Variants in SYNPO2L observed in about 807,000 individuals in gnomAD.
SYNPO2L encodes the protein synaptopodin 2 like, also known as synaptopodin 2-like protein.
Under a neutral mutation model 47.5 loss-of-function variants are expected in SYNPO2L, and 34 were observed. That is an observed-to-expected ratio of 0.72 (90% CI 0.54 to 0.95). The LOEUF (loss-of-function observed/expected upper bound fraction) is 0.95, where lower values mean the gene tolerates loss of function less well. SYNPO2L is among the 40% of genes least tolerant of loss of function. The pLI is 0.00. For missense variants in SYNPO2L, 1,246 were observed against 1,282.0 expected, an observed-to-expected ratio of 0.97 and a Z score of 0.43; for synonymous variants, 536 against 524.9, an observed-to-expected ratio of 1.02 and a Z score of -0.29.
At chr10:73,654,438 A>G (rs748937947) in intron 1 of SYNPO2L, 158 bp from the exon 2 acceptor site, 26 of 796,740 alleles carry the variant, frequency 3.3e-5, no homozygotes, top group Non-Finnish European at 4.7e-5. Flanking sequence ...TGGCCTGTCT[A>G]GAGGGAAGAA....
chr10:73,650,908 C>T, intron 3 of SYNPO2L: 1 of 1,611,248 alleles, frequency 6.2e-7, no homozygotes. Flanking sequence ...AGGGTAGTAC[C>T]TGCATAGAAC....
chr10:73,650,121 C>T, intron 3 of SYNPO2L: 3 of 985,416 alleles, frequency 3.0e-6, no homozygotes, highest in Non-Finnish European at 3.6e-6. Context: ...GAGGACCCCG[C>T]CTTGCACATG....
intron 1 of SYNPO2L, 121 bp downstream of exon 1, chr10:73,655,691 CCCACCA>C: frequency 5.3e-6 from 1 of 187,748 alleles, no homozygotes; most frequent in South Asian, 5.1e-5. Flanking sequence ...TACTTCCCTG[CCCACCA>C]CCCACCCCAT....
In SYNPO2L at chr10:73,646,531, G is replaced by A; in HGVS notation, c.*187C>T. On this transcript the variant is annotated 3_prime_UTR_variant, in exon 4 of 4. Coordinates refer to ENST00000394810, the MANE Select transcript of SYNPO2L (RefSeq NM_001114133.3). ...CAAAGATACCAAAGCAGACATACTTGGTTGGAAAGCGGCAGGGAGGTAGAG... is the reference window on the plus strand; with the variant it reads ...CAAAGATACCAAAGCAGACATACTTAGTTGGAAAGCGGCAGGGAGGTAGAG... 8.0e-7 allele frequency: 1 copy of A among 1,251,684 alleles called. No homozygotes were observed. Among genetic ancestry groups the A allele is most frequent in the Non-Finnish European group, 1.0e-6 (1 of 998,628 alleles). The allele number at this position is 1,251,684 out of a possible 1,614,324, so 77.5% of individuals were successfully genotyped here. A position where few individuals can be genotyped will look rare whatever the true frequency, so the allele number is the denominator to read the frequency against.
In SYNPO2L at chr10:73,653,371, G is replaced by T. The variant is rs1420041296; in HGVS notation, c.540C>A (p.Ser180Arg). Residue 180 changes from serine to arginine, a missense_variant, in exon 3 of 4, where the codon AGC (serine) becomes AGA (arginine). By Grantham distance (110) the Ser-to-Arg change is moderately radical. Around this residue, in one of 3 missense-constraint regions of SYNPO2L, gnomAD observed 148 missense variants for 204.8 expected, o/e 0.72. Coordinates refer to ENST00000394810, the MANE Select transcript of SYNPO2L (RefSeq NM_001114133.3). ...GGATAGTAGGTGCTGGCTCTGCAGG[G>T]CTGTCAGACAGGTAGACCTCATCAG... The part of the protein sequence containing the change: ...APPDEVYLSD[S>R]PAEPAPTIPG... 1.9e-6 allele frequency: 3 copies of T among 1,551,570 alleles called. No homozygotes were observed. Among genetic ancestry groups the T allele is most frequent in the Non-Finnish European group, 2.6e-6 (3 of 1,146,984 alleles).
At position 73,646,911 on chromosome 10, in the gene SYNPO2L, G is replaced by A; in HGVS notation, c.2741C>T (p.Thr914Ile). Residue 914 changes from threonine to isoleucine, a missense_variant, in exon 4 of 4, where the codon ACA becomes ATA. By Grantham distance (89) the Thr-to-Ile change is moderately conservative. Transcript: ENST00000394810. ...PTVLAPRAAT[T>I]LDEPIWRTEL... ...TGTTCTCCAGATGGGCTCATCCAGT[G>A]TAGTGGCTGCTCGGGGGGCAAGCAC... 2 of 1,584,076 alleles carry A rather than the reference G, an allele frequency of 1.3e-6. No homozygotes were observed. Among genetic ancestry groups the A allele is most frequent in the Non-Finnish European group, 1.7e-6 (2 of 1,162,768 alleles).
At chr10:73,650,944 C>G in intron 3 of SYNPO2L, 2 of 1,613,926 alleles carry the variant, frequency 1.2e-6, no homozygotes, top group Non-Finnish European at 1.7e-6. Flanking sequence ...GGAACTGGGT[C>G]TGGGGCTTTG....
intron 2 of SYNPO2L, 49 bp from the exon 3 acceptor site, chr10:73,653,702 G>A: frequency 1.3e-6 from 2 of 1,484,836 alleles, no homozygotes; most frequent in East Asian, 5.0e-5. Flanking sequence ...GGTACTGACA[G>A]CTAGAGAGAT....
rs1564995988 is a variant in SYNPO2L at position 73,655,886 on chromosome 10, C to G, written c.37G>C (p.Gly13Arg). The G allele has an allele frequency of 6.4e-7, 1 of 1,551,444 alleles. No homozygotes were observed. ...AEEEVLVTLS[G>R]GAPWGFRLHG... ...AGTCGGAAGCCCCAGGGGGCTCCCC[C>G]TGATAGTGTGACCAGCACCTCCTCC... is the stretch of plus-strand genomic sequence containing the variant. Residue 13 changes from glycine to arginine, a missense_variant, in exon 1 of 4, where the codon GGG becomes CGG. Coordinates refer to ENST00000394810, the MANE Select transcript of SYNPO2L (RefSeq NM_001114133.3).
chr10:73,655,788 T>G, intron 1 of SYNPO2L, 30 bp downstream of exon 1: 1 of 1,367,714 alleles, frequency 7.3e-7, no homozygotes, highest in East Asian at 4.0e-5. Flanking sequence ...TCCCTTTCCC[T>G]GAAGCCTCAT....
chr10:73,646,115 T>C lies in SYNPO2L; in HGVS notation c.*603A>G. On this transcript the variant is annotated 3_prime_UTR_variant, in exon 4 of 4. Coordinates refer to ENST00000394810, the MANE Select transcript of SYNPO2L (RefSeq NM_001114133.3). Reference sequence around the variant, plus strand: ...CTGGGATTACCGGCGTGAGCCACCGTGCCCGGCCTCAGATTGGGTCTTTAT... The same window carrying C: ...CTGGGATTACCGGCGTGAGCCACCGCGCCCGGCCTCAGATTGGGTCTTTAT... 1.0e-6 allele frequency: 1 copy of C among 985,656 alleles called. No homozygotes were observed. The highest frequency in any genetic ancestry group is 1.2e-6 in the Non-Finnish European group (1 of 830,394). The allele number at this position is 985,656 out of a possible 1,614,324, so 61.1% of individuals were successfully genotyped here. A position where few individuals can be genotyped will look rare whatever the true frequency, so the allele number is the denominator to read the frequency against.
rs1490469126 is a variant in SYNPO2L, at chr10:73,645,080, G to GAAA, written c.*1637_*1638insTTT. The GAAA allele has an allele frequency of 4.0e-6, 5 of 1,251,702 alleles. No individual in the cohort carries two copies. In the African/African-American group the frequency reaches 4.8e-5, roughly 12 times the overall value. 77.5% of individuals were successfully genotyped at this position (1,251,702 alleles called of 1,614,324 possible). A position where few individuals can be genotyped will look rare whatever the true frequency, so the allele number is the denominator to read the frequency against. Reference sequence around the variant, plus strand: ...AGCAATAGCTGGGGTTTTGAGGGATGGGGTGGGACTGAAAGGAGGTTTTGG... The same window carrying GAAA: ...AGCAATAGCTGGGGTTTTGAGGGATGAAAGGGTGGGACTGAAAGGAGGTTTTGG... On this transcript the variant is annotated 3_prime_UTR_variant, in exon 4 of 4. Coordinates refer to ENST00000394810, the MANE Select transcript of SYNPO2L (RefSeq NM_001114133.3).
chr10:73,647,686 C>G lies in SYNPO2L; in HGVS notation c.1966G>C (p.Val656Leu), dbSNP rs1414125516. ...NSPNPELLSL[V>L]QNLDEKPRAG... ...CGAGGCTTTTCATCCAGGTTCTGTA[C>G]CAGCGATAGCAGCTCGGGGTTGGGC... The change falls in exon 4 of 4, where the codon GTA becomes CTA. Residue 656 changes from valine (V) to leucine (L), a missense_variant. Val to Leu is a conservative substitution (Grantham distance 32). Coordinates refer to ENST00000394810, the MANE Select transcript of SYNPO2L (RefSeq NM_001114133.3). 1 of 1,614,074 alleles carries G rather than the reference C, an allele frequency of 6.2e-7. No homozygotes were observed. The highest frequency in any genetic ancestry group is 1.6e-4 in the Middle Eastern group (1 of 6,080).
intron 1 of SYNPO2L, 79 bp downstream of exon 1, chr10:73,655,739 C>T (rs904089985): frequency 1.2e-5 from 7 of 601,340 alleles, no homozygotes; most frequent in Non-Finnish European, 2.0e-5. Flanking sequence ...CAACCCCCGC[C>T]ATATGCCACC....
chr10:73,644,938 C>T lies in SYNPO2L; in HGVS notation c.*1780G>A. Reference sequence around the variant, plus strand: ...CAAACCAAAGTATTGTGACTCACACCCAACAAGCAAAGGAAATTATCACTT... The same window carrying T: ...CAAACCAAAGTATTGTGACTCACACTCAACAAGCAAAGGAAATTATCACTT... On this transcript the variant is annotated 3_prime_UTR_variant, in exon 4 of 4. Transcript: ENST00000394810. 1 of 1,156,514 alleles carries T rather than the reference C, an allele frequency of 8.6e-7. No individual in the cohort carries two copies. Among genetic ancestry groups the T allele is most frequent in the Admixed American group, 4.2e-5 (1 of 23,960 alleles). The allele number at this position is 1,156,514 out of a possible 1,614,324, so 71.6% of individuals were successfully genotyped here. A position where few individuals can be genotyped will look rare whatever the true frequency, so the allele number is the denominator to read the frequency against.
chr10:73,654,966 C>A (rs2081867730), intron 1 of SYNPO2L, among the ~76,000 whole-genome samples: 1 of 152,160 alleles, frequency 6.6e-6, no homozygotes. Context: ...CGCCATTACA[C>A]AGTCAAGATT....
chr10:73,655,948 G>A lies in SYNPO2L; in HGVS notation c.-26C>T, dbSNP rs1207156703. ...CGCTCAGCTTGGCCTATGGCCCCCG[G>A]AGTTTGAACAGTGTCCCCAGGAGAG... On this transcript the variant is annotated 5_prime_UTR_variant, in exon 1 of 4. Transcript: ENST00000394810. 3.9e-6 allele frequency: 6 copies of A among 1,537,730 alleles called. No individual in the cohort carries two copies. The East Asian group carries it at 1.5e-4, about 38-fold the overall frequency.
chr10:73,645,359 C>T lies in SYNPO2L; in HGVS notation c.*1359G>A, dbSNP rs908980667. The stretch of plus-strand genomic sequence containing the variant: ...TACCTTCTCCCAATATGGCATTGTC[C>T]CTCGCCACACTTCTGTCTGTGGCTC... On this transcript the variant is annotated 3_prime_UTR_variant, in exon 4 of 4. Transcript: ENST00000394810. 9 of 1,042,472 alleles carry T rather than the reference C, an allele frequency of 8.6e-6. No homozygotes were observed. In the African/African-American group the frequency reaches 1.6e-4, roughly 18 times the overall value. The allele number at this position is 1,042,472 out of a possible 1,614,324, so 64.6% of individuals were successfully genotyped here.
intron 3 of SYNPO2L, 68 bp from the exon 4 acceptor site, chr10:73,648,947 C>T (rs1043764130): frequency 4.9e-6 from 7 of 1,420,180 alleles, no homozygotes; most frequent in Admixed American, 2.9e-5. Flanking sequence ...TTCCCCAAGG[C>T]TTTCACCCCC....
Sources: allele counts gnomAD v4.1 joint callset (sites outside exome capture counted in the v4.1 genomes callset), GRCh38; gene constraint gnomAD v4.1.1; regional missense constraint gnomAD v4.1.1; transcripts MANE v1.5; gene names NCBI Gene and HGNC (gene_info 2026-07-23, HGNC 2026-07-21).